RRP36: variants seen among roughly 807,000 people sequenced by gnomAD.
RRP36 encodes the protein ribosomal RNA processing 36, also known as ribosomal RNA processing protein 36 homolog.
A neutral mutation model predicts 39.8 loss-of-function variants in RRP36; 44 were observed. That is an observed-to-expected ratio of 1.10 (90% CI 0.87 to 1.42). The LOEUF is 1.42. Ranked by LOEUF, RRP36 falls within the 40% of genes most tolerant of loss-of-function variation. The pLI, the probability that RRP36 is intolerant of heterozygous loss-of-function variation, is 0.00. For missense variants in RRP36, 316 were observed against 322.4 expected, an observed-to-expected ratio of 0.98 and a Z score of 0.15; for synonymous variants, 124 against 123.1, an observed-to-expected ratio of 1.01 and a Z score of -0.05.
At position 43,025,060 on chromosome 6, in the gene RRP36, T is replaced by C; in HGVS notation, c.206T>C (p.Val69Ala). 1 of 1,614,150 alleles carries C rather than the reference T, an allele frequency of 6.2e-7. No individual in the cohort carries two copies. Among genetic ancestry groups the C allele is most frequent in the African/African-American group, 1.3e-5 (1 of 75,032 alleles). The change falls in exon 2 of 7, where the codon GTA becomes GCA. Residue 69 changes from valine (V) to alanine (A), a missense_variant. By Grantham distance (64) the Val-to-Ala change is moderately conservative (BLOSUM62 0). Coordinates refer to ENST00000244496, the MANE Select transcript of RRP36 (RefSeq NM_033112.4). ...GGGACTAAGACGTACAAACAATTGG[T>C]AGCTGGAAATAGTCCTAAGAAACAA... ...QVGTKTYKQL[V>A]AGNSPKKQAS...
chr6:43,025,790 G>A (rs1017473017), intron 3 of RRP36, among the ~76,000 whole-genome samples: 13 of 152,020 alleles, frequency 8.6e-5, no homozygotes, highest in East Asian at 5.8e-4. Context: ...AAAAATAGCC[G>A]GGCGTGGTGG....
Position 43,026,044 on chromosome 6 carries a change from G to C in RRP36, c.353G>C (p.Arg118Pro). ...TCTCTCTTCTCTCCAAAGGTAGCCCGGGACCCTCGCTTTGATGATCTGTCA... is the reference window on the plus strand; with the variant it reads ...TCTCTCTTCTCTCCAAAGGTAGCCCCGGACCCTCGCTTTGATGATCTGTCA... Reference protein sequence around the residue: ...QVVPISKKVARDPRFDDLSGE... With the variant: ...QVVPISKKVAPDPRFDDLSGE... Residue 118 changes from arginine (R) to proline (P), a missense_variant, in exon 4 of 7, where the codon CGG (arginine) becomes CCG (proline). Arg to Pro is a moderately radical substitution (Grantham distance 103, BLOSUM62 -2). Coordinates refer to ENST00000244496, the MANE Select transcript of RRP36 (RefSeq NM_033112.4). 1 of 1,611,972 alleles carries C rather than the reference G, an allele frequency of 6.2e-7. No homozygotes were observed. The highest frequency in any genetic ancestry group is 8.5e-7 in the Non-Finnish European group (1 of 1,178,218).
intron 6 of RRP36, 59 bp from the exon 7 acceptor site, chr6:43,029,033 T>G: frequency 6.2e-7 from 1 of 1,602,456 alleles, no homozygotes; most frequent in South Asian, 1.1e-5. Flanking sequence ...TGACCTGGTT[T>G]GGGAAAGAAT....
Position 43,029,319 on chromosome 6 carries a change from A to G in RRP36, c.*91A>G. On this transcript the variant is annotated 3_prime_UTR_variant, in exon 7 of 7. Coordinates refer to ENST00000244496, the MANE Select transcript of RRP36 (RefSeq NM_033112.4). ...CACGGCTGGTTTCCGTTCAAGGGCA[A>G]GGATCACAGCTGCCCTTGAATCTCA... 1 of 1,465,078 alleles carries G rather than the reference A, an allele frequency of 6.8e-7. No homozygotes were observed. The highest frequency in any genetic ancestry group is 9.4e-7 in the Non-Finnish European group (1 of 1,060,736). 90.8% of individuals were successfully genotyped at this position (1,465,078 alleles called of 1,614,324 possible). A position where few individuals can be genotyped will look rare whatever the true frequency, so the allele number is the denominator to read the frequency against.
rs1395996654 is a variant in RRP36, at chr6:43,021,803, G to A, written c.130+19G>A. 2 of 1,208,970 alleles carry A rather than the reference G, an allele frequency of 1.7e-6. No individual in the cohort carries two copies. The highest frequency in any genetic ancestry group is 2.1e-6 in the Non-Finnish European group (2 of 970,872). The allele number at this position is 1,208,970 out of a possible 1,614,324, so 74.9% of individuals were successfully genotyped here. ...TTGAGGGGTGAGGGCATGGGGCAGG[G>A]CGGGCTGGGGAGGGGAAGGAGATTC... On this transcript the variant is annotated intron_variant, in intron 1 of 6. Coordinates refer to ENST00000244496, the MANE Select transcript of RRP36 (RefSeq NM_033112.4).
Position 43,029,373 on chromosome 6 carries a change from G to A in RRP36, c.*145G>A, listed in dbSNP as rs1762873491. On this transcript the variant is annotated 3_prime_UTR_variant, in exon 7 of 7. Coordinates refer to ENST00000244496, the MANE Select transcript of RRP36 (RefSeq NM_033112.4). ...CCTCAGAGAAGACTAGAGGGCTCTT[G>A]GACTATCCCTAGGGCTACACAAGAA... 3 of 870,104 alleles carry A rather than the reference G, an allele frequency of 3.4e-6. No individual in the cohort carries two copies. The highest frequency in any genetic ancestry group is 2.7e-5 in the Admixed American group (1 of 37,408). The allele number at this position is 870,104 out of a possible 1,614,324, so 53.9% of individuals were successfully genotyped here.
chr6:43,022,756 C>T (rs1488712614), intron 1 of RRP36, among the ~76,000 whole-genome samples: 1 of 151,708 alleles, frequency 6.6e-6, no homozygotes, highest in African/African-American at 2.4e-5. Context: ...CCTCAGCCTC[C>T]CGAGTAGTGG....
chr6:43,025,323 T>G lies in RRP36; in HGVS notation c.339T>G (p.Ser113Arg). The G allele has an allele frequency of 6.2e-7, 1 of 1,613,236 alleles. No individual in the cohort carries two copies. The highest frequency in any genetic ancestry group is 8.5e-7 in the Non-Finnish European group (1 of 1,179,962). The change falls in exon 3 of 7, where the codon AGT (serine) becomes AGG (arginine). Residue 113 changes from serine to arginine, a missense_variant. Physicochemically the swap from Ser to Arg is moderately radical, Grantham distance 110. Transcript: ENST00000244496. ...VPFLRQVVPI[S>R]KKVARDPRFD... ...TTTTACGTCAGGTTGTTCCCATTAG[T>G]AAAAAGGTAAGGAAGAAGGCCAGGC...
At chr6:43,022,794 G>C (rs1298408876) in intron 1 of RRP36, among the ~76,000 whole-genome samples, 1 of 151,850 alleles carries the variant, frequency 6.6e-6, no homozygotes, top group Admixed American at 6.6e-5. Context: ...ACCACGCCCG[G>C]CTAATTTTTT....
At chr6:43,025,753 A>C (rs1762801953) in intron 3 of RRP36, among the ~76,000 whole-genome samples, 1 of 152,012 alleles carries the variant, frequency 6.6e-6, no homozygotes, top group South Asian at 2.1e-4. Flanking sequence ...AACACAGTGA[A>C]ACCCCGTCTC....
intron 3 of RRP36, among the ~76,000 whole-genome samples, chr6:43,025,727 T>G (rs372259620): frequency 3.3e-5 from 5 of 151,176 alleles, no homozygotes; most frequent in East Asian, 3.9e-4. Context: ...GTCAGGAGAT[T>G]GAGACCATCC....
rs1762810810 is a variant in RRP36 at position 43,026,147 on chromosome 6, C to T, written c.450+6C>T. On this transcript the variant is annotated splice_donor_region_variant and intron_variant, in intron 4 of 6. Transcript: ENST00000244496. Reference sequence around the variant, plus strand: ...TCCGAGCGAAAGAGAAAGAGGTATACAGCTTGAGACTGGTTTATGGGGAAT... The same window carrying T: ...TCCGAGCGAAAGAGAAAGAGGTATATAGCTTGAGACTGGTTTATGGGGAAT... The T allele has an allele frequency of 6.2e-7, 1 of 1,600,590 alleles. No homozygotes were observed. Among genetic ancestry groups the T allele is most frequent in the East Asian group, 2.2e-5 (1 of 44,778 alleles).
At chr6:43,022,961 T>C (rs1488327920) in intron 1 of RRP36, among the ~76,000 whole-genome samples, 2 of 152,030 alleles carry the variant, frequency 1.3e-5, no homozygotes, top group East Asian at 1.9e-4. Context: ...GTGCCAGGGC[T>C]GGTCTCCAGT....
intron 3 of RRP36, 136 bp downstream of exon 3, chr6:43,025,465 A>G: frequency 1.4e-6 from 1 of 707,102 alleles, no homozygotes; most frequent in Non-Finnish European, 2.4e-6. Flanking sequence ...TCTACTAAAA[A>G]TACAAAAATT....
chr6:43,025,814 T>C (rs1294304318), intron 3 of RRP36, among the ~76,000 whole-genome samples: 1 of 151,818 alleles, frequency 6.6e-6, no homozygotes, highest in Non-Finnish European at 1.5e-5. Context: ...GTGCCTGTAG[T>C]CCTAGCTACT....
At chr6:43,022,132 GTC>G (rs897767474) in intron 1 of RRP36, among the ~76,000 whole-genome samples, 5 of 151,944 alleles carry the variant, frequency 3.3e-5, no homozygotes, top group South Asian at 2.1e-4. Context: ...TTGAGACGGA[GTC>G]TCTCTCTGTC....
rs759483520 is a variant in RRP36, at chr6:43,021,671, A to G, written c.17A>G (p.Tyr6Cys). Reference protein sequence around the residue: MPGANYRAGAGAGAGA... With the variant: MPGANCRAGAGAGAGA... ...TGCCAGCTGATGCCGGGAGCTAACT[A>G]CCGCGCCGGGGCCGGGGCCGGGGCC... Residue 6 changes from tyrosine (Y) to cysteine (C), a missense_variant, in exon 1 of 7, where the codon TAC (tyrosine) becomes TGC (cysteine). Physicochemically the swap from Tyr to Cys is radical, Grantham distance 194. Coordinates refer to ENST00000244496, the MANE Select transcript of RRP36 (RefSeq NM_033112.4). The G allele has an allele frequency of 2.4e-6, 3 of 1,252,666 alleles. No homozygotes were observed. Among genetic ancestry groups the G allele is most frequent in the Non-Finnish European group, 3.0e-6 (3 of 1,003,982 alleles). 77.6% of individuals were successfully genotyped at this position (1,252,666 alleles called of 1,614,324 possible). A position where few individuals can be genotyped will look rare whatever the true frequency, so the allele number is the denominator to read the frequency against.
Position 43,025,330 on chromosome 6 carries a change from G to T in RRP36, c.345+1G>T, listed in dbSNP as rs777539618. On this transcript the variant is annotated splice_donor_variant, in intron 3 of 6. Transcript: ENST00000244496. LOFTEE classifies it high-confidence loss of function. ...TCAGGTTGTTCCCATTAGTAAAAAG[G>T]TAAGGAAGAAGGCCAGGCACTGTGG... 2 of 1,613,180 alleles carry T rather than the reference G, an allele frequency of 1.2e-6. No individual in the cohort carries two copies. The highest frequency in any genetic ancestry group is 1.7e-6 in the Non-Finnish European group (2 of 1,179,992).
At chr6:43,025,598 G>A (rs114162589) in intron 3 of RRP36, among the ~76,000 whole-genome samples, 2,520 of 139,472 alleles carry the variant, frequency 0.018, 33 homozygotes, top group Middle Eastern at 0.046. Flanking sequence ...CCTACAGCCT[G>A]TGGGACAGAG....
Sources: allele counts gnomAD v4.1 joint callset (sites outside exome capture counted in the v4.1 genomes callset), GRCh38; gene constraint gnomAD v4.1.1; transcripts MANE v1.5; gene names NCBI Gene and HGNC (gene_info 2026-07-23, HGNC 2026-07-21).